The following WWC1 variants were observed in gnomAD, a reference collection of about 807,000 sequenced individuals.
The protein encoded by WWC1 is protein KIBRA.
A neutral mutation model predicts 138.4 loss-of-function variants in WWC1; 55 were observed. The ratio of observed to expected loss-of-function variants is 0.40; its 90% CI spans 0.32 to 0.50. The LOEUF is 0.50. Among genes scored for constraint, WWC1 ranks in the 20% least tolerant of loss-of-function variants. WWC1 has a pLI of 0.72. For synonymous variants in WWC1, 524 were observed against 564.9 expected (o/e 0.93, Z 1.03); for missense variants, 1,226 against 1,420.4 (o/e 0.86, Z 2.20).
intron 12 of WWC1, 38 bp downstream of exon 12, chr5:168,428,179 A>G: frequency 6.3e-7 from 1 of 1,590,848 alleles, no homozygotes; most frequent in Non-Finnish European, 8.6e-7. Flanking sequence ...GTGGCCCTGT[A>G]AGCCATGAAC....
chr5:168,422,611 T>A (rs913414072), intron 10 of WWC1, among the ~76,000 whole-genome samples: 8 of 151,340 alleles, frequency 5.3e-5, no homozygotes, highest in Admixed American at 4.6e-4. Context: ...CCAGACCTTG[T>A]CTCCAAAAAG....
intron 18 of WWC1, 128 bp from the exon 19 acceptor site, chr5:168,455,228 G>A: frequency 4.9e-6 from 6 of 1,229,346 alleles, no homozygotes. Context: ...CTAATGCCAA[G>A]GAAACCCTGG....
At chr5:168,468,483 T>G (rs1241189734) in intron 22 of WWC1, among the ~76,000 whole-genome samples, 1 of 151,482 alleles carries the variant, frequency 6.6e-6, no homozygotes, top group East Asian at 1.9e-4. Context: ...GTACACATGT[T>G]TGTGTATGTG....
At chr5:168,432,001 G>A (rs1398603489) in intron 15 of WWC1, among the ~76,000 whole-genome samples, 1 of 147,928 alleles carries the variant, frequency 6.8e-6, no homozygotes, top group Non-Finnish European at 1.5e-5. Flanking sequence ...GCAATGAGCT[G>A]ATCATGCCGC....
chr5:168,356,512 C>G (rs1027634405), intron 1 of WWC1, among the ~76,000 whole-genome samples: 1 of 152,224 alleles, frequency 6.6e-6, no homozygotes, highest in Non-Finnish European at 1.5e-5. Flanking sequence ...TTCCCCGGCC[C>G]ACACCCTGCT....
intron 1 of WWC1, among the ~76,000 whole-genome samples, chr5:168,322,919 T>G (rs1204164994): frequency 6.6e-6 from 1 of 152,192 alleles, no homozygotes; most frequent in African/African-American, 2.4e-5. Context: ...TCAACATTCT[T>G]GAAAGAAAGA....
chr5:168,321,373 C>T (rs999347536), intron 1 of WWC1, among the ~76,000 whole-genome samples: 1 of 152,134 alleles, frequency 6.6e-6, no homozygotes, highest in Non-Finnish European at 1.5e-5. Context: ...GCAGGAAGAT[C>T]AGGTGTACTG....
At chr5:168,391,389 G>A (rs990393341) in intron 3 of WWC1, among the ~76,000 whole-genome samples, 16 of 152,202 alleles carry the variant, frequency 1.1e-4, no homozygotes, top group Middle Eastern at 3.4e-3. Flanking sequence ...GACCAGGCGC[G>A]GTGGCTCACG....
chr5:168,384,137 T>C (rs1265649649), intron 2 of WWC1, among the ~76,000 whole-genome samples: 1 of 148,720 alleles, frequency 6.7e-6, no homozygotes, highest in Non-Finnish European at 1.5e-5. Flanking sequence ...TAGTGCATTC[T>C]GTGAATATAG....
chr5:168,446,232 T>TAA (rs60746695), intron 17 of WWC1, among the ~76,000 whole-genome samples: 1,890 of 58,748 alleles, frequency 0.032, 144 homozygotes, highest in African/African-American at 0.075. Flanking sequence ...CTCCCATTAT[T>TAA]AAAAAAAAAA....
At position 168,441,715 on chromosome 5, in the gene WWC1, C is replaced by A. The variant is rs372137293; in HGVS notation, c.2314C>A (p.Arg772=). ...CCAGATCAGCCTGGCGGAGGTCTGC[C>A]GGTCTGGGGAGAGGTCGACTCGCTG... is the stretch of plus-strand genomic sequence containing the variant. ...GAQISLAEVC[R]SGERSTRWYN... The change falls in exon 16 of 23, where the codon CGG becomes AGG. Residue 772 remains arginine (R), a synonymous_variant. Coordinates refer to ENST00000265293, the MANE Select transcript of WWC1 (RefSeq NM_015238.3). 4.3e-6 allele frequency: 7 copies of A among 1,614,122 alleles called. No individual in the cohort carries two copies. Among genetic ancestry groups the A allele is most frequent in the Middle Eastern group, 1.6e-4 (1 of 6,062 alleles).
chr5:168,292,069 C>G lies in WWC1; in HGVS notation c.-84C>G. The G allele has an allele frequency of 1.4e-6, 2 of 1,379,482 alleles. No individual in the cohort carries two copies. The highest frequency in any genetic ancestry group is 1.9e-6 in the Non-Finnish European group (2 of 1,070,072). 85.5% of individuals were successfully genotyped at this position (1,379,482 alleles called of 1,614,324 possible). A position where few individuals can be genotyped will look rare whatever the true frequency, so the allele number is the denominator to read the frequency against. On this transcript the variant is annotated 5_prime_UTR_variant, in exon 1 of 23. Coordinates refer to ENST00000265293, the MANE Select transcript of WWC1 (RefSeq NM_015238.3). The surrounding 1 kb of genome is among the most constrained non-coding windows in gnomAD (Gnocchi z 4.4). The stretch of plus-strand genomic sequence containing the variant: ...GGATCATGGTGCCTCGGCGGCCGCC[C>G]GGGCTAAGAGCGGCCGGCTGGAGCC...
intron 2 of WWC1, among the ~76,000 whole-genome samples, chr5:168,377,531 T>C (rs1251822815): frequency 6.6e-6 from 1 of 152,054 alleles, no homozygotes; most frequent in Non-Finnish European, 1.5e-5. Flanking sequence ...AAACTATGCA[T>C]CCAGTAAAGG....
intron 1 of WWC1, among the ~76,000 whole-genome samples, chr5:168,338,907 A>T (rs959687388): frequency 6.6e-6 from 1 of 152,194 alleles, no homozygotes; most frequent in African/African-American, 2.4e-5. Flanking sequence ...CTAGTGTTCT[A>T]TAGCACTAAA....
At chr5:168,387,284 TG>T (rs1778117201) in intron 3 of WWC1, among the ~76,000 whole-genome samples, 1 of 152,170 alleles carries the variant, frequency 6.6e-6, no homozygotes, top group Admixed American at 6.5e-5. Flanking sequence ...TCTCCCCTAG[TG>T]TGAAGCCCTT....
chr5:168,346,407 T>C (rs1302892852), intron 1 of WWC1, among the ~76,000 whole-genome samples: 1 of 152,038 alleles, frequency 6.6e-6, no homozygotes, highest in African/African-American at 2.4e-5. Flanking sequence ...CCTGCTCAGC[T>C]CCTCCTGCCC....
chr5:168,455,247 G>T lies in WWC1; in HGVS notation c.2659-109G>T, dbSNP rs1025835909. ...TGCCAAGGAAACCCTGGTTGTGTCTGTGGGAAAAGGTGAGGTGACAGGAGG... is the reference window on the plus strand; with the variant it reads ...TGCCAAGGAAACCCTGGTTGTGTCTTTGGGAAAAGGTGAGGTGACAGGAGG... On this transcript the variant is annotated intron_variant, in intron 18 of 22. Coordinates refer to ENST00000265293, the MANE Select transcript of WWC1 (RefSeq NM_015238.3). 5 of 1,337,736 alleles carry T rather than the reference G, an allele frequency of 3.7e-6. No homozygotes were observed. The African/African-American group carries it at 7.5e-5, about 20-fold the overall frequency. The allele number at this position is 1,337,736 out of a possible 1,614,324, so 82.9% of individuals were successfully genotyped here.
chr5:168,415,544 A>C (rs1193176280), intron 9 of WWC1: 1 of 152,172 alleles, frequency 6.6e-6, no homozygotes, highest in Non-Finnish European at 1.5e-5. Flanking sequence ...AAAGCTCTCC[A>C]GCTTCATGTT....
intron 1 of WWC1, among the ~76,000 whole-genome samples, chr5:168,346,180 AAGG>A (rs1287172170): frequency 3.3e-5 from 5 of 151,844 alleles, no homozygotes; most frequent in African/African-American, 1.2e-4. Context: ...TGTCGAAAGG[AAGG>A]AGAAGGGTTT....
Sources: allele counts gnomAD v4.1 joint callset (sites outside exome capture counted in the v4.1 genomes callset), GRCh38; gene constraint gnomAD v4.1.1; non-coding constraint Gnocchi (gnomAD v3.1); transcripts MANE v1.5; gene names NCBI Gene and HGNC (gene_info 2026-07-23, HGNC 2026-07-21).